The following WWOX variants were observed in gnomAD, a reference collection of about 807,000 sequenced individuals.
The protein encoded by WWOX is WW domain containing oxidoreductase.
WWOX carries 69 observed loss-of-function variants against 46.2 expected under a neutral mutation model. That is an observed-to-expected ratio of 1.49 (90% CI 1.23 to 1.82). The LOEUF (loss-of-function observed/expected upper bound fraction) is 1.82. Among genes scored for constraint, WWOX ranks in the 40% most tolerant of loss-of-function variants. WWOX has a pLI of 0.00. For synonymous variants in WWOX, 359 were observed against 202.6 expected (o/e 1.77, Z -6.56); for missense variants, 919 against 542.6 (o/e 1.69, Z -6.89).
chr16:78,582,731 A>C (rs917955321), intron 8 of WWOX, among the ~76,000 whole-genome samples: 1 of 152,164 alleles, frequency 6.6e-6, no homozygotes. Flanking sequence ...GGTTGTTAGA[A>C]AAGTCTTCAT....
intron 8 of WWOX, among the ~76,000 whole-genome samples, chr16:78,814,354 A>G (rs374347608): frequency 3.2e-4 from 49 of 152,310 alleles, no homozygotes; most frequent in Admixed American, 7.2e-4. Context: ...GCACTTTTCT[A>G]TATTAATTCA....
intron 8 of WWOX, among the ~76,000 whole-genome samples, chr16:78,996,580 A>G (rs141494873): frequency 3.9e-5 from 6 of 152,156 alleles, no homozygotes; most frequent in African/African-American, 1.4e-4. Context: ...TTACAGTGAG[A>G]GATGGTGGTC....
chr16:78,444,976 C>T (rs1044657222), intron 8 of WWOX, among the ~76,000 whole-genome samples: 34 of 152,064 alleles, frequency 2.2e-4, no homozygotes, highest in African/African-American at 7.5e-4. Flanking sequence ...ACCATTTAAG[C>T]TCCATAGTTC....
intron 8 of WWOX, among the ~76,000 whole-genome samples, chr16:78,962,923 C>T (rs1047893067): frequency 1.3e-5 from 2 of 152,176 alleles, no homozygotes; most frequent in South Asian, 2.1e-4. Context: ...GCTTCTTTTA[C>T]TCCTCATTAG....
intron 4 of WWOX, among the ~76,000 whole-genome samples, chr16:78,140,320 A>G (rs1428335161): frequency 3.3e-5 from 5 of 152,162 alleles, no homozygotes; most frequent in Admixed American, 2.6e-4. Context: ...GGGACTATAA[A>G]TGAGTCCCAG....
intron 8 of WWOX, among the ~76,000 whole-genome samples, chr16:78,882,601 GAGTAGCCTCCC>G (rs1567624020): frequency 1.8e-4 from 6 of 32,690 alleles, no homozygotes; most frequent in African/African-American, 9.0e-4. Flanking sequence ...CTCGCCTCCC[GAGTAGCCTCCC>G]GAGTAGCTGG....
intron 8 of WWOX, among the ~76,000 whole-genome samples, chr16:78,805,600 G>A (rs564516019): frequency 1.3e-5 from 2 of 152,240 alleles, no homozygotes; most frequent in South Asian, 2.1e-4. Flanking sequence ...TAGATTTGAG[G>A]CATCTTGAAG....
chr16:78,406,365 T>A (rs557980341), intron 6 of WWOX, among the ~76,000 whole-genome samples: 72 of 129,950 alleles, frequency 5.5e-4, no homozygotes, highest in Middle Eastern at 4.0e-3. Context: ...TTTTATTATT[T>A]TTTTTTGAGA....
intron 8 of WWOX, chr16:78,552,803 CTGTTT>C (rs1465243684): frequency 2.0e-5 from 3 of 152,210 alleles, no homozygotes; most frequent in Non-Finnish European, 4.4e-5. Context: ...TCTGTTCTCT[CTGTTT>C]TAACAGGTTT....
chr16:78,683,890 T>G (rs1337731140), intron 8 of WWOX, among the ~76,000 whole-genome samples: 4 of 152,208 alleles, frequency 2.6e-5, no homozygotes, highest in African/African-American at 9.6e-5. Flanking sequence ...GTGCCACCTC[T>G]TCTAAGAAAA....
intron 8 of WWOX, among the ~76,000 whole-genome samples, chr16:78,744,860 G>A (rs1459463154): frequency 6.6e-6 from 1 of 152,126 alleles, no homozygotes; most frequent in African/African-American, 2.4e-5. Flanking sequence ...AAAGTCATTG[G>A]GTAAGCAAAG....
intron 8 of WWOX, among the ~76,000 whole-genome samples, chr16:78,570,163 T>G (rs2151571881): frequency 6.6e-6 from 1 of 152,278 alleles, no homozygotes; most frequent in Middle Eastern, 3.4e-3. Context: ...TTTTAGAAAT[T>G]TAACTTTGCA....
rs539428515 is a variant in WWOX, at chr16:79,117,668, C to G, written c.1057-93940C>G. ...ATTGAAAATCTGTTAGTGTAGCCACCTTAGTGGTCTTATCTAGATCTTCTG... is the reference window on the plus strand; with the variant it reads ...ATTGAAAATCTGTTAGTGTAGCCACGTTAGTGGTCTTATCTAGATCTTCTG... On this transcript the variant is annotated intron_variant, in intron 8 of 8. Coordinates refer to ENST00000566780, the MANE Select transcript of WWOX (RefSeq NM_016373.4). Among the ~76,000 whole-genome samples the G allele has an allele frequency of 3.9e-5, 6 of 152,352 alleles. No individual in the cohort carries two copies. In the East Asian group the frequency reaches 9.7e-4, roughly 25 times the overall value.
chr16:78,433,259 G>C (rs373169913), intron 8 of WWOX, among the ~76,000 whole-genome samples: 1 of 152,062 alleles, frequency 6.6e-6, no homozygotes, highest in Non-Finnish European at 1.5e-5. Flanking sequence ...TTGATAGCTA[G>C]GAGTGTGTTT....
intron 8 of WWOX, among the ~76,000 whole-genome samples, chr16:79,098,583 C>T (rs529464355): frequency 6.6e-6 from 1 of 152,208 alleles, no homozygotes; most frequent in Non-Finnish European, 1.5e-5. Flanking sequence ...GAGCAAACTT[C>T]CCTTGTAATC....
intron 8 of WWOX, among the ~76,000 whole-genome samples, chr16:78,726,723 TC>T (rs1332431814): frequency 2.5e-5 from 2 of 80,040 alleles, no homozygotes; most frequent in African/African-American, 2.5e-4. Flanking sequence ...TTTGTTTTGT[TC>T]CTTTTTTTTT....
At chr16:78,792,934 T>G (rs572922510) in intron 8 of WWOX, among the ~76,000 whole-genome samples, 2 of 152,322 alleles carry the variant, frequency 1.3e-5, no homozygotes, top group Admixed American at 1.3e-4. Context: ...ACCCAAACCT[T>G]GATAACCATG....
At chr16:79,056,236 T>A (rs1231907274) in intron 8 of WWOX, among the ~76,000 whole-genome samples, 1 of 147,804 alleles carries the variant, frequency 6.8e-6, no homozygotes, top group African/African-American at 2.5e-5. Context: ...AAAAAAAAAT[T>A]CAGCATTTCT....
At chr16:78,568,678 T>C (rs2044638313) in intron 8 of WWOX, among the ~76,000 whole-genome samples, 1 of 152,108 alleles carries the variant, frequency 6.6e-6, no homozygotes, top group South Asian at 2.1e-4. Flanking sequence ...TTTCGCCATG[T>C]TGGCCAGGCT....
Sources: allele counts gnomAD v4.1 joint callset (sites outside exome capture counted in the v4.1 genomes callset), GRCh38; gene constraint gnomAD v4.1.1; transcripts MANE v1.5; gene names NCBI Gene and HGNC (gene_info 2026-07-23, HGNC 2026-07-21).